The following NPHP4 variants were observed in gnomAD, a reference collection of about 807,000 sequenced individuals.
NPHP4 encodes nephrocystin 4.
A neutral mutation model predicts 155.8 loss-of-function variants in NPHP4; 151 were observed. The observed-to-expected ratio is 0.97, with a 90% CI of 0.85 to 1.11. The LOEUF (loss-of-function observed/expected upper bound fraction) is 1.11. Among genes scored for constraint, NPHP4 ranks in the 50% least tolerant of loss-of-function variants. NPHP4 has a pLI of 0.00. For synonymous variants in NPHP4, 845 were observed against 816.8 expected (o/e 1.03, Z -0.59); for missense variants, 1,956 against 1,925.7 (o/e 1.02, Z -0.29).
chr1:5,910,417 C>T lies in NPHP4; in HGVS notation c.1442-1204G>A, dbSNP rs960440891. 2.6e-5 allele frequency among the ~76,000 whole-genome samples: 4 copies of T among 152,214 alleles called. No homozygotes were observed. The highest frequency in any genetic ancestry group is 5.9e-5 in the Non-Finnish European group (4 of 68,042). ...TCCCCCATGGCCCTGTCCCACCTCC[C>T]GTCACCCCCATGTGGCCCACATCTT... On this transcript the variant is annotated intron_variant, in intron 11 of 29. Transcript: ENST00000378156. The surrounding 1 kb of genome is among the most constrained non-coding windows in gnomAD (Gnocchi z 5.4).
intron 12 of NPHP4, among the ~76,000 whole-genome samples, chr1:5,907,690 C>T (rs12123214): frequency 0.14 from 16,529 of 122,358 alleles, 1,146 homozygotes; most frequent in Non-Finnish European, 0.17. Context: ...AGTGCCCGTG[C>T]CAACGTGGCA....
At chr1:5,950,127 G>A (rs1306940368) in intron 7 of NPHP4, among the ~76,000 whole-genome samples, 1 of 152,128 alleles carries the variant, frequency 6.6e-6, no homozygotes, top group African/African-American at 2.4e-5. Context: ...TTACCCAAAA[G>A]GCCGAGAAGC....
chr1:5,889,926 G>A lies in NPHP4; in HGVS notation c.2304+942C>T, dbSNP rs1644030801. On this transcript the variant is annotated intron_variant, in intron 17 of 29. Transcript: ENST00000378156. The surrounding 1 kb of genome is among the most constrained non-coding windows in gnomAD (Gnocchi z 4.2). ...CTCCTCTAGAAGTCACAGGGAGCAG[G>A]GATGGAGCCTGGATCAGTCGGTCAC... Among the ~76,000 whole-genome samples, 1 of 152,230 alleles carries A rather than the reference G, an allele frequency of 6.6e-6. No homozygotes were observed. The highest frequency in any genetic ancestry group is 1.5e-5 in the Non-Finnish European group (1 of 68,038).
At chr1:5,933,369 CAGAAGTCACCTGGAG>C (rs1570505180) in intron 9 of NPHP4, 40 bp from the exon 10 acceptor site, 1 of 1,540,910 alleles carries the variant, frequency 6.5e-7, no homozygotes, top group East Asian at 2.3e-5. Context: ...TGAGTTATCA[CAGAAGTCACCTGGAG>C]AGGGGAAATC....
intron 20 of NPHP4, chr1:5,876,821 TC>T: frequency 2.8e-6 from 1 of 351,048 alleles, no homozygotes; most frequent in Non-Finnish European, 5.1e-6. Flanking sequence ...AAAGCTTTCT[TC>T]AAACCCAGGC....
intron 8 of NPHP4, 132 bp from the exon 9 acceptor site, chr1:5,947,362 C>A: frequency 1.1e-6 from 1 of 881,696 alleles, no homozygotes; most frequent in East Asian, 2.4e-5. Context: ...AACAGCAAGT[C>A]CACCATGTAA....
At chr1:5,909,235 T>C (rs755710990) in intron 11 of NPHP4, 22 bp from the exon 12 acceptor site, 2 of 1,589,586 alleles carry the variant, frequency 1.3e-6, no homozygotes, top group Non-Finnish European at 1.7e-6. Flanking sequence ...CACAGTGGGG[T>C]AGGAGAGGGA....
chr1:5,952,949 T>C, intron 6 of NPHP4, 113 bp from the exon 7 acceptor site: 1 of 919,342 alleles, frequency 1.1e-6, no homozygotes, highest in South Asian at 1.7e-5. Context: ...CAACGAAGGG[T>C]GCTCGGGACT....
rs371884034 is a variant in NPHP4 at position 5,981,502 on chromosome 1, A to G, written c.136-3089T>C. Among the ~76,000 whole-genome samples, 15 of 152,348 alleles carry G rather than the reference A, an allele frequency of 9.8e-5. No homozygotes were observed. In the East Asian group the frequency reaches 1.9e-3, roughly 20 times the overall value. On this transcript the variant is annotated intron_variant, in intron 2 of 29. Transcript: ENST00000378156. ...ACAAAAAAAGTAAATGGGACAGTAA[A>G]AGAAATATACTAAAATCATTAATAA... is the stretch of plus-strand genomic sequence containing the variant.
At chr1:5,945,526 T>C (rs1231190985) in intron 9 of NPHP4, among the ~76,000 whole-genome samples, 2 of 152,192 alleles carry the variant, frequency 1.3e-5, no homozygotes. Context: ...ACCGGAGGCA[T>C]GGACACTGGC....
intron 23 of NPHP4, among the ~76,000 whole-genome samples, chr1:5,871,762 C>A (rs1441555435): frequency 6.6e-6 from 1 of 152,178 alleles, no homozygotes; most frequent in Non-Finnish European, 1.5e-5. Flanking sequence ...GCGGAGCACC[C>A]CAGGACAGCG....
chr1:5,931,473 C>T (rs1476578081), intron 10 of NPHP4, among the ~76,000 whole-genome samples: 2 of 151,264 alleles, frequency 1.3e-5, no homozygotes, highest in Non-Finnish European at 2.9e-5. Context: ...GGTGCAGTGA[C>T]TCACATCTGC....
chr1:5,915,484 G>A (rs1302172322), intron 11 of NPHP4, among the ~76,000 whole-genome samples: 1 of 152,200 alleles, frequency 6.6e-6, no homozygotes, highest in Non-Finnish European at 1.5e-5. Context: ...AAAAGTCATT[G>A]TTCCTAAGAG....
intron 9 of NPHP4, among the ~76,000 whole-genome samples, chr1:5,934,616 C>T (rs1646442368): frequency 6.6e-6 from 1 of 152,212 alleles, no homozygotes; most frequent in Non-Finnish European, 1.5e-5. Flanking sequence ...CCCCACTGCT[C>T]CCAGTCCCGG....
chr1:5,978,488 G>A, intron 2 of NPHP4, 75 bp from the exon 3 acceptor site: 1 of 1,405,236 alleles, frequency 7.1e-7, no homozygotes, highest in Non-Finnish European at 9.8e-7. Flanking sequence ...GGCCATGTGG[G>A]TGCATATGGG....
At chr1:5,978,458 G>T (rs1654095942) in intron 2 of NPHP4, 45 bp from the exon 3 acceptor site, 1 of 1,568,086 alleles carries the variant, frequency 6.4e-7, no homozygotes, top group African/African-American at 1.4e-5. Flanking sequence ...TGAGCACCAT[G>T]AGCCAGGAGG....
chr1:5,890,766 G>T lies in NPHP4; in HGVS notation c.2304+102C>A. 1 of 1,083,098 alleles carries T rather than the reference G, an allele frequency of 9.2e-7. No individual in the cohort carries two copies. The highest frequency in any genetic ancestry group is 1.3e-6 in the Non-Finnish European group (1 of 757,854). The allele number at this position is 1,083,098 out of a possible 1,614,324, so 67.1% of individuals were successfully genotyped here. ...AAAGAAGGTCAAACAAGTCCTGTGCGGGATAGCGCCCGCTCCTTCCAAGCA... is the reference window on the plus strand; with the variant it reads ...AAAGAAGGTCAAACAAGTCCTGTGCTGGATAGCGCCCGCTCCTTCCAAGCA... On this transcript the variant is annotated intron_variant, in intron 17 of 29. Coordinates refer to ENST00000378156, the MANE Select transcript of NPHP4 (RefSeq NM_015102.5). This position sits in a 1 kb window ranked among gnomAD's most constrained non-coding sequence, Gnocchi z 4.9.
At chr1:5,945,633 T>C (rs1341407331) in intron 9 of NPHP4, among the ~76,000 whole-genome samples, 2 of 152,130 alleles carry the variant, frequency 1.3e-5, no homozygotes, top group Non-Finnish European at 2.9e-5. Flanking sequence ...CCTAAGACCG[T>C]CCTCAGCACC....
At chr1:5,972,036 T>C (rs1000995932) in intron 3 of NPHP4, among the ~76,000 whole-genome samples, 2 of 152,202 alleles carry the variant, frequency 1.3e-5, no homozygotes, top group African/African-American at 4.8e-5. Flanking sequence ...CCCGCAGTGA[T>C]GGAAGTGGAA....
Sources: gnomAD v4.1 joint callset for allele counts (sites outside exome capture counted in the v4.1 genomes callset) on GRCh38, gnomAD v4.1.1 for gene constraint, Gnocchi (gnomAD v3.1) non-coding constraint, MANE v1.5 for transcripts, NCBI Gene and HGNC (gene_info 2026-07-23, HGNC 2026-07-21) for gene names.